KLF16: variants seen among roughly 807,000 people sequenced by gnomAD.
KLF16 encodes KLF transcription factor 16, also known as Krueppel-like factor 16.
In KLF16, 6 loss-of-function variants were observed where a neutral mutation model predicts 6.1. The ratio of observed to expected loss-of-function variants is 0.98; its 90% CI spans 0.54 to 1.93. The LOEUF is 1.93. KLF16 is among the 30% of genes most tolerant of loss of function. The probability of loss-of-function intolerance (pLI) is 0.01; values close to 1 mark genes in which losing one functional copy is unlikely to be tolerated. For missense variants in KLF16, 355 were observed against 363.8 expected, an observed-to-expected ratio of 0.98 and a Z score of 0.20; for synonymous variants, 211 against 176.5, an observed-to-expected ratio of 1.20 and a Z score of -1.55.
the KLF16 span, among the ~76,000 whole-genome samples, chr19:1,873,678 C>A: frequency 6.6e-6 from 1 of 152,196 alleles, no homozygotes; most frequent in East Asian, 1.9e-4. Flanking sequence ...GTGGCCTGGC[C>A]CCGGGCCATA....
chr19:1,873,753 C>CTGCGGGGTCCTCCCGG, the KLF16 span, among the ~76,000 whole-genome samples: 1 of 152,236 alleles, frequency 6.6e-6, no homozygotes, highest in Non-Finnish European at 1.5e-5. Flanking sequence ...GTCGCCACCC[C>CTGCGGGGTCCTCCCGG]TGCGGGGTCC....
upstream of KLF16, among the ~76,000 whole-genome samples, chr19:1,864,289 C>G (rs1473047515): frequency 1.3e-5 from 2 of 152,132 alleles, no homozygotes; most frequent in African/African-American, 4.8e-5. Flanking sequence ...ACCCTTCCCC[C>G]CTCTTCTCCC....
chr19:1,859,012 C>T (rs1465914958), intron 1 of KLF16, among the ~76,000 whole-genome samples: 1 of 152,120 alleles, frequency 6.6e-6, no homozygotes, highest in Non-Finnish European at 1.5e-5. Context: ...CAGGCAGTTC[C>T]AGCTGCTCTC....
At chr19:1,866,815 A>G (rs1029327248), upstream of KLF16, among the ~76,000 whole-genome samples, 1 of 149,688 alleles carries the variant, frequency 6.7e-6, no homozygotes, top group African/African-American at 2.5e-5. Context: ...TTCCCATTCT[A>G]CAGATGAAAA....
the KLF16 span, among the ~76,000 whole-genome samples, chr19:1,869,387 G>C: frequency 6.6e-6 from 1 of 152,158 alleles, no homozygotes; most frequent in African/African-American, 2.4e-5. Context: ...GGCTGAGGCA[G>C]GAAAATCACT....
upstream of KLF16, among the ~76,000 whole-genome samples, chr19:1,866,427 A>G (rs1291966272): frequency 6.6e-6 from 1 of 151,326 alleles, no homozygotes; most frequent in Non-Finnish European, 1.5e-5. Flanking sequence ...CCTGACCAAT[A>G]TGAAGAAACC....
chr19:1,857,141 G>T lies in KLF16; in HGVS notation c.458-2381C>A, dbSNP rs1379783630. Among the ~76,000 whole-genome samples the T allele has an allele frequency of 6.6e-6, 1 of 152,140 alleles. No homozygotes were observed. On this transcript the variant is annotated intron_variant, in intron 1 of 1. Transcript: ENST00000250916. This position sits in a 1 kb window ranked among gnomAD's most constrained non-coding sequence, Gnocchi z 4.7. ...CCTGGGTGCCTGCCAGCCCCGCCCCGCGCTTGGAGACTGAGGCGCGCACAT... is the reference window on the plus strand; with the variant it reads ...CCTGGGTGCCTGCCAGCCCCGCCCCTCGCTTGGAGACTGAGGCGCGCACAT...
upstream of KLF16, among the ~76,000 whole-genome samples, chr19:1,865,807 C>A (rs950728353): frequency 8.5e-5 from 13 of 152,234 alleles, no homozygotes; most frequent in Non-Finnish European, 1.5e-4. Flanking sequence ...GCGGTGAACA[C>A]AGACAAACCT....
At chr19:1,868,461 CTTTTTTTTTTTTTTTTTTTTT>C (rs762308559), upstream of KLF16, among the ~76,000 whole-genome samples, 137 of 110,046 alleles carry the variant, frequency 1.2e-3, no homozygotes, top group East Asian at 2.1e-3. Context: ...CAGATTAGGG[CTTTTTTTTTTTTTTTTTTTTT>C]TTTTTTTTTT....
chr19:1,861,318 G>C (rs969324973), intron 1 of KLF16, among the ~76,000 whole-genome samples: 1 of 152,100 alleles, frequency 6.6e-6, no homozygotes, highest in Admixed American at 6.5e-5. Flanking sequence ...TGGGTAGACA[G>C]GTGGGAGTCG....
chr19:1,872,141 GTTT>G, the KLF16 span, among the ~76,000 whole-genome samples: 4 of 152,034 alleles, frequency 2.6e-5, no homozygotes, highest in Non-Finnish European at 5.9e-5. Flanking sequence ...GTTTTTCGTT[GTTT>G]TTTTAAGATG....
At chr19:1,868,520 C>T (rs2012224853), upstream of KLF16, among the ~76,000 whole-genome samples, 1 of 132,868 alleles carries the variant, frequency 7.5e-6, no homozygotes, top group Non-Finnish European at 1.5e-5. Context: ...TCACTGTTAC[C>T]CAGGCTGGAG....
upstream of KLF16, among the ~76,000 whole-genome samples, chr19:1,864,834 C>T (rs2145372473): frequency 6.6e-6 from 1 of 152,240 alleles, no homozygotes; most frequent in East Asian, 1.9e-4. Context: ...CTGGGCGGCC[C>T]CCCTCGGTCG....
chr19:1,854,610 G>C lies in KLF16; in HGVS notation c.608C>G (p.Ala203Gly). The C allele has an allele frequency of 6.3e-7, 1 of 1,596,972 alleles. No individual in the cohort carries two copies. Among genetic ancestry groups the C allele is most frequent in the East Asian group, 2.2e-5 (1 of 44,716 alleles). ...SKRFTRSDHLAKHARRHPGFH... is the reference protein window; with the variant it reads ...SKRFTRSDHLGKHARRHPGFH... ...GCCGGGGTGGCGGCGGGCGTGCTTG[G>C]CCAGGTGGTCACTGCGGGTGAAGCG... is the stretch of plus-strand genomic sequence containing the variant. Residue 203 changes from alanine (A) to glycine (G), a missense_variant, in exon 2 of 2, where the codon GCC (alanine) becomes GGC (glycine). Physicochemically the swap from Ala to Gly is moderately conservative, Grantham distance 60 (BLOSUM62 0). Transcript: ENST00000250916.
the KLF16 span, among the ~76,000 whole-genome samples, chr19:1,874,242 G>A: frequency 2.0e-5 from 3 of 152,106 alleles, no homozygotes; most frequent in African/African-American, 7.2e-5. Context: ...AAAGAAACGT[G>A]CAAAATAATG....
intron 1 of KLF16, chr19:1,861,332 TC>T (rs2012060375): frequency 6.6e-6 from 1 of 152,058 alleles, no homozygotes; most frequent in Admixed American, 6.6e-5. Flanking sequence ...GGAGTCGCTT[TC>T]CCAACAGGCT....
At chr19:1,858,406 TTC>T (rs2145366166) in intron 1 of KLF16, among the ~76,000 whole-genome samples, 1 of 152,304 alleles carries the variant, frequency 6.6e-6, no homozygotes, top group Non-Finnish European at 1.5e-5. Flanking sequence ...CTTGGTCAGC[TTC>T]TCTGTCTTTG....
chr19:1,856,950 CG>C lies in KLF16; in HGVS notation c.458-2191del, dbSNP rs946961126. ...CACTTTGCAAGGAGGAGCAGGTTGC[CG>C]GGGTGGGGGGGGCGACCGGGGCAGG... On this transcript the variant is annotated intron_variant, in intron 1 of 1. Coordinates refer to ENST00000250916, the MANE Select transcript of KLF16 (RefSeq NM_031918.4). Among the ~76,000 whole-genome samples, 34 of 43,262 alleles carry C rather than the reference CG, an allele frequency of 7.9e-4. 8 individuals carry two copies. Among genetic ancestry groups the C allele is most frequent in the East Asian group, 7.8e-3 (10 of 1,290 alleles). The allele number at this position is 43,262 out of a possible 152,430, so 28.4% of individuals were successfully genotyped here.
intron 1 of KLF16, among the ~76,000 whole-genome samples, chr19:1,855,722 A>G (rs911399778): frequency 6.6e-6 from 1 of 152,160 alleles, no homozygotes; most frequent in Non-Finnish European, 1.5e-5. Flanking sequence ...GCGTCTCCCC[A>G]GCAGATAGGG....
Sources: allele counts gnomAD v4.1 joint callset (sites outside exome capture counted in the v4.1 genomes callset), GRCh38; gene constraint gnomAD v4.1.1; non-coding constraint Gnocchi (gnomAD v3.1); transcripts MANE v1.5; gene names NCBI Gene and HGNC (gene_info 2026-07-23, HGNC 2026-07-21).